The following PLD5 variants were observed in gnomAD, a reference collection of about 807,000 sequenced individuals.
PLD5 encodes inactive phospholipase D5.
A neutral mutation model predicts 61.1 loss-of-function variants in PLD5; 36 were observed. That is an observed-to-expected ratio of 0.59 (90% confidence interval 0.45 to 0.78). The LOEUF is 0.78. Ranked by LOEUF, PLD5 falls within the 30% of genes least tolerant of loss-of-function variation. PLD5 has a pLI of 0.00. For missense variants in PLD5, 515 were observed against 644.4 expected, an observed-to-expected ratio of 0.80 and a Z score of 2.17; for synonymous variants, 243 against 242.8, an observed-to-expected ratio of 1.00 and a Z score of -0.01.
chr1:242,247,340 C>T (rs895888530), intron 4 of PLD5, among the ~76,000 whole-genome samples: 1 of 152,096 alleles, frequency 6.6e-6, no homozygotes, highest in African/African-American at 2.4e-5. Context: ...GAAACCTTGA[C>T]GTCAGTAGAA....
intron 1 of PLD5, among the ~76,000 whole-genome samples, chr1:242,501,065 G>A (rs1668539572): frequency 6.6e-6 from 1 of 152,146 alleles, no homozygotes; most frequent in Non-Finnish European, 1.5e-5. Flanking sequence ...ATTAGTATGA[G>A]TAGGTATGTC....
intron 2 of PLD5, among the ~76,000 whole-genome samples, chr1:242,329,811 C>A (rs1243837944): frequency 6.6e-6 from 1 of 152,110 alleles, no homozygotes; most frequent in Non-Finnish European, 1.5e-5. Context: ...TATGCTATCT[C>A]GACTAATCCC....
intron 2 of PLD5, among the ~76,000 whole-genome samples, chr1:242,332,068 G>A (rs1317713864): frequency 6.6e-6 from 1 of 151,914 alleles, no homozygotes; most frequent in East Asian, 1.9e-4. Flanking sequence ...CCCAGTGTGT[G>A]ATGTTCCCCT....
chr1:242,167,115 T>A (rs12564355), intron 5 of PLD5, among the ~76,000 whole-genome samples: 2,144 of 135,208 alleles, frequency 0.016, 47 homozygotes, highest in African/African-American at 0.047. Flanking sequence ...ATAATAATAA[T>A]AAATAGTAGC....
At position 242,523,996 on chromosome 1, in the gene PLD5, C is replaced by T. The variant is rs191042278; in HGVS notation, c.189+92G>A. ...GCCTGCCAGGATCCCCTCGCCTGCC[C>T]CCCGCGCCCCGCGCGCGCTCATGCC... On this transcript the variant is annotated intron_variant, in intron 1 of 9. Transcript: ENST00000536534. 1,592 of 1,362,468 alleles carry T rather than the reference C, an allele frequency of 1.2e-3. 37 individuals are homozygous for T. The Admixed American group carries it at 0.037, about 32-fold the overall frequency. The allele number at this position is 1,362,468 out of a possible 1,614,324, so 84.4% of individuals were successfully genotyped here.
At chr1:242,328,410 TAC>T (rs796783892) in intron 2 of PLD5, among the ~76,000 whole-genome samples, 20 of 152,356 alleles carry the variant, frequency 1.3e-4, no homozygotes, top group Admixed American at 2.6e-4. Context: ...TTGTGTGTTC[TAC>T]ACGTTTTCTA....
intron 3 of PLD5, among the ~76,000 whole-genome samples, chr1:242,270,028 C>T (rs1036647169): frequency 1.9e-4 from 29 of 151,734 alleles, no homozygotes; most frequent in African/African-American, 6.5e-4. Flanking sequence ...GGATGAAATG[C>T]CCAAACACAA....
At chr1:242,361,669 A>G (rs924183298) in intron 1 of PLD5, among the ~76,000 whole-genome samples, 34 of 152,226 alleles carry the variant, frequency 2.2e-4, no homozygotes, top group African/African-American at 8.2e-4. Context: ...TTCTTGGTCA[A>G]GAAATAAATA....
chr1:242,406,609 A>G (rs1664247589), intron 1 of PLD5, among the ~76,000 whole-genome samples: 1 of 152,246 alleles, frequency 6.6e-6, no homozygotes. Context: ...GAAAACCTGG[A>G]AAAGTTGCAG....
chr1:242,504,923 G>A (rs1255526206), intron 1 of PLD5, among the ~76,000 whole-genome samples: 1 of 152,168 alleles, frequency 6.6e-6, no homozygotes. Flanking sequence ...TGGGAGGCCA[G>A]GGCAGGAGGA....
intron 5 of PLD5, among the ~76,000 whole-genome samples, chr1:242,126,875 C>T (rs1251792622): frequency 6.6e-6 from 1 of 152,182 alleles, no homozygotes; most frequent in Non-Finnish European, 1.5e-5. Flanking sequence ...AAACAGACAA[C>T]TCACAGAGTG....
chr1:242,526,229 A>G (rs1026117954), upstream of PLD5, among the ~76,000 whole-genome samples: 37 of 152,094 alleles, frequency 2.4e-4, no homozygotes, highest in African/African-American at 8.7e-4. Context: ...CACTAAAAAT[A>G]AAATAAATTA....
chr1:242,204,240 T>C (rs1272415486), intron 5 of PLD5, among the ~76,000 whole-genome samples: 1 of 147,646 alleles, frequency 6.8e-6, no homozygotes, highest in African/African-American at 2.6e-5. Flanking sequence ...GAGACTCTTG[T>C]CTCAAAAAAA....
chr1:242,250,957 T>A (rs147089529), intron 4 of PLD5, among the ~76,000 whole-genome samples: 1,731 of 152,214 alleles, frequency 0.011, 19 homozygotes, highest in Middle Eastern at 0.024. Flanking sequence ...TTTTGAAGGT[T>A]GGAGGAGGAG....
At chr1:242,128,981 C>T (rs779339312) in intron 5 of PLD5, among the ~76,000 whole-genome samples, 1 of 152,168 alleles carries the variant, frequency 6.6e-6, no homozygotes, top group Non-Finnish European at 1.5e-5. Context: ...TCTGTAACGG[C>T]ACCATCATTC....
chr1:242,272,416 C>T (rs1466352823), intron 3 of PLD5, among the ~76,000 whole-genome samples: 3 of 152,000 alleles, frequency 2.0e-5, no homozygotes, highest in South Asian at 2.1e-4. Context: ...CTTTTATATA[C>T]TTCTCACTCT....
In PLD5 at chr1:242,144,734, T is replaced by C. The variant is rs1211620087; in HGVS notation, c.736-20069A>G. 3.3e-5 allele frequency among the ~76,000 whole-genome samples: 5 copies of C among 152,092 alleles called. No homozygotes were observed. In the East Asian group the frequency reaches 9.6e-4, roughly 29 times the overall value. ...AGGCAGAGGTTGAAGTGAGCTGAGA[T>C]TGCGCCACTGTACTCCAGCCTGGGT... On this transcript the variant is annotated intron_variant, in intron 5 of 9. Coordinates refer to ENST00000536534, the MANE Select transcript of PLD5 (RefSeq NM_001372062.1).
chr1:242,242,700 A>C (rs1337508279), intron 4 of PLD5, among the ~76,000 whole-genome samples: 1 of 152,242 alleles, frequency 6.6e-6, no homozygotes, highest in Non-Finnish European at 1.5e-5. Context: ...CTGAGGGTTA[A>C]ATAAGAATAT....
At chr1:242,212,677 G>C (rs1362461731) in intron 5 of PLD5, among the ~76,000 whole-genome samples, 1 of 152,238 alleles carries the variant, frequency 6.6e-6, no homozygotes, top group African/African-American at 2.4e-5. Flanking sequence ...CTAAGCAGGT[G>C]CAAAGTGGCT....
Sources: gnomAD v4.1 joint callset for allele counts (sites outside exome capture counted in the v4.1 genomes callset) on GRCh38, gnomAD v4.1.1 for gene constraint, MANE v1.5 for transcripts, NCBI Gene and HGNC (gene_info 2026-07-23, HGNC 2026-07-21) for gene names.